Variants in ZNF469 observed in about 807,000 individuals in gnomAD.
The protein encoded by ZNF469 is zinc finger protein 469.
A neutral mutation model predicts 1.0 loss-of-function variants in ZNF469; 1 was observed. The ratio of observed to expected loss-of-function variants is 1.00; its 90% CI spans 0.35 to 4.73. The LOEUF (loss-of-function observed/expected upper bound fraction) is 4.73. ZNF469 is among the 30% of genes most tolerant of loss of function. The probability of loss-of-function intolerance (pLI) is 0.16; values close to 1 mark genes in which losing one functional copy is unlikely to be tolerated. For synonymous variants in ZNF469, 2,703 were observed against 2,363.4 expected (o/e 1.14, Z -4.17); for missense variants, 6,100 against 5,356.3 (o/e 1.14, Z -4.33).
chr16:88,426,064 G>A (rs1039177057), intron 2 of ZNF469, among the ~76,000 whole-genome samples: 1 of 152,250 alleles, frequency 6.6e-6, no homozygotes, highest in African/African-American at 2.4e-5. Context: ...CCAGGCGGCT[G>A]TAGTGCGGGA....
the ZNF469 span, among the ~76,000 whole-genome samples, chr16:88,232,744 G>A: frequency 2.0e-5 from 3 of 152,246 alleles, no homozygotes; most frequent in Non-Finnish European, 4.4e-5. Flanking sequence ...GGTCGGGTCT[G>A]TTTGGCAGCA....
chr16:88,240,440 G>C, the ZNF469 span, among the ~76,000 whole-genome samples: 1 of 152,226 alleles, frequency 6.6e-6, no homozygotes, highest in Non-Finnish European at 1.5e-5. Context: ...TGCGTGGGGA[G>C]GCTGGCCTTT....
At chr16:88,242,567 A>C in the ZNF469 span, among the ~76,000 whole-genome samples, 1 of 152,220 alleles carries the variant, frequency 6.6e-6, no homozygotes, top group African/African-American at 2.4e-5. Context: ...ATACGGTCAC[A>C]TTCTTAGGCC....
chr16:88,173,679 C>G, the ZNF469 span, among the ~76,000 whole-genome samples: 1 of 152,180 alleles, frequency 6.6e-6, no homozygotes, highest in Non-Finnish European at 1.5e-5. Flanking sequence ...AAATCTATGA[C>G]AATAATAGCA....
the ZNF469 span, among the ~76,000 whole-genome samples, chr16:88,225,574 T>C: frequency 6.7e-6 from 1 of 148,696 alleles, no homozygotes; most frequent in African/African-American, 2.4e-5. Flanking sequence ...CCATGCCCTC[T>C]GCCGCAGCCT....
At chr16:88,268,272 G>A in the ZNF469 span, among the ~76,000 whole-genome samples, 1 of 152,192 alleles carries the variant, frequency 6.6e-6, no homozygotes. Flanking sequence ...TTAAGTCTCT[G>A]TGGTGCATTT....
At chr16:88,106,811 A>ACAGGC in the ZNF469 span, among the ~76,000 whole-genome samples, 1 of 152,256 alleles carries the variant, frequency 6.6e-6, no homozygotes, top group Non-Finnish European at 1.5e-5. Flanking sequence ...CCATTGCCGC[A>ACAGGC]CAGGCCAGGA....
chr16:88,253,961 C>T, the ZNF469 span, among the ~76,000 whole-genome samples: 1 of 150,340 alleles, frequency 6.7e-6, no homozygotes, highest in Non-Finnish European at 1.5e-5. Context: ...TAGTCTGTAG[C>T]TTTTTTTTTT....
the ZNF469 span, among the ~76,000 whole-genome samples, chr16:88,326,715 G>T: frequency 1.7e-4 from 26 of 152,242 alleles, no homozygotes; most frequent in African/African-American, 5.8e-4. Context: ...TGGGACCCCC[G>T]CTGTGAAAGC....
At chr16:88,321,221 A>G in the ZNF469 span, among the ~76,000 whole-genome samples, 137,968 of 152,354 alleles carry the variant, frequency 0.91, 63,024 homozygotes, top group Non-Finnish European at 0.95. Context: ...CCCCCTCGGG[A>G]TCTTGCTGGG....
chr16:88,272,930 G>A, the ZNF469 span, among the ~76,000 whole-genome samples: 3 of 147,778 alleles, frequency 2.0e-5, no homozygotes, highest in African/African-American at 7.6e-5. Flanking sequence ...GGATAGACGA[G>A]TGGACGGATG....
chr16:88,279,899 A>T, the ZNF469 span, among the ~76,000 whole-genome samples: 2 of 65,966 alleles, frequency 3.0e-5, no homozygotes, highest in South Asian at 6.3e-4. Flanking sequence ...TTAGTGCTGC[A>T]CCACGCCGAC....
At chr16:88,350,196 G>C in the ZNF469 span, among the ~76,000 whole-genome samples, 4 of 152,350 alleles carry the variant, frequency 2.6e-5, 1 homozygote, top group South Asian at 8.3e-4. Flanking sequence ...AGCCACAGCA[G>C]CTGCTCCAGG....
the ZNF469 span, among the ~76,000 whole-genome samples, chr16:88,272,130 A>C: frequency 6.8e-6 from 1 of 147,888 alleles, no homozygotes; most frequent in Non-Finnish European, 1.5e-5. Flanking sequence ...TTTTGGGTAA[A>C]TGGGTAGGTG....
the ZNF469 span, among the ~76,000 whole-genome samples, chr16:88,201,486 T>TGGAGGTTGCAGTGAGCC: frequency 2.6e-5 from 4 of 151,480 alleles, no homozygotes; most frequent in South Asian, 4.2e-4. The surrounding 1 kb of genome is among the most constrained non-coding windows in gnomAD (Gnocchi z 5.0). Context: ...ACCTGGGAGG[T>TGGAGGTTGCAGTGAGCC]GGAGGTTGCA....
At chr16:88,380,527 TAACACACAC>T (rs2092519284), upstream of ZNF469, among the ~76,000 whole-genome samples, 1 of 66,658 alleles carries the variant, frequency 1.5e-5, no homozygotes, top group African/African-American at 6.6e-5. Context: ...ACACACGCAC[TAACACACAC>T]GCACTAACAC....
At chr16:88,350,739 T>C in the ZNF469 span, among the ~76,000 whole-genome samples, 9 of 152,146 alleles carry the variant, frequency 5.9e-5, no homozygotes, top group Non-Finnish European at 1.3e-4. Flanking sequence ...CAGAAGTAGA[T>C]GTTGATTATG....
chr16:88,229,621 C>T, the ZNF469 span, among the ~76,000 whole-genome samples: 4 of 148,666 alleles, frequency 2.7e-5, no homozygotes, highest in African/African-American at 9.9e-5. Context: ...GCTGATGTCA[C>T]GCGTGTGGAT....
At chr16:88,223,252 C>T in the ZNF469 span, among the ~76,000 whole-genome samples, 1 of 152,216 alleles carries the variant, frequency 6.6e-6, no homozygotes, top group African/African-American at 2.4e-5. Context: ...GTTCTCGTGG[C>T]AGTGAATAAG....
Sources: gnomAD v4.1 joint callset for allele counts (sites outside exome capture counted in the v4.1 genomes callset) on GRCh38, gnomAD v4.1.1 for gene constraint, Gnocchi (gnomAD v3.1) non-coding constraint, MANE v1.5 for transcripts, NCBI Gene and HGNC (gene_info 2026-07-23, HGNC 2026-07-21) for gene names.